Variants in NHS observed in about 807,000 individuals in gnomAD.
NHS encodes the protein NHS actin remodeling regulator.
In NHS, 5 loss-of-function variants were observed where a neutral mutation model predicts 72.5. The ratio of observed to expected loss-of-function variants is 0.07; its 90% CI spans 0.04 to 0.14. NHS has a LOEUF of 0.14. Among genes scored for constraint, NHS ranks in the 10% least tolerant of loss-of-function variants. The pLI is 1.00. For synonymous variants in NHS, 464 were observed against 547.7 expected, an observed-to-expected ratio of 0.85 and a Z score of 2.13; for missense variants, 1,072 against 1,355.7, an observed-to-expected ratio of 0.79 and a Z score of 3.29.
chrX:17,421,626 G>C (rs1329916722), intron 1 of NHS, among the ~76,000 whole-genome samples: 2 of 110,320 alleles, frequency 1.8e-5, no homozygotes, highest in Admixed American at 9.6e-5. Context: ...GCCCATGCTG[G>C]AGTGCAGTGG....
chrX:17,485,809 G>A (rs899117377), intron 1 of NHS, among the ~76,000 whole-genome samples: 11 of 111,811 alleles, frequency 9.8e-5, no homozygotes, highest in Admixed American at 2.9e-4. Flanking sequence ...ACATGGCAGC[G>A]TTTTGGATTC....
chrX:17,689,311 A>T (rs922658639), intron 2 of NHS, among the ~76,000 whole-genome samples: 2 of 112,204 alleles, frequency 1.8e-5, no homozygotes, highest in Non-Finnish European at 3.8e-5. Context: ...TTAGGGGAAG[A>T]CATTGTGACA....
At chrX:17,382,796 AT>A (rs2064384216) in intron 1 of NHS, among the ~76,000 whole-genome samples, 1 of 111,985 alleles carries the variant, frequency 8.9e-6, no homozygotes, top group African/African-American at 3.2e-5. Flanking sequence ...CCCTGTCTAT[AT>A]TCCATCTCTC....
chrX:17,719,497 T>G, intron 4 of NHS, 91 bp downstream of exon 4: 1 of 706,253 alleles, frequency 1.4e-6, no homozygotes. Flanking sequence ...ATGGAAAACT[T>G]TCTTGTTTCT....
chrX:17,697,281 A>G (rs1404776179), intron 3 of NHS, among the ~76,000 whole-genome samples: 1 of 110,915 alleles, frequency 9.0e-6, no homozygotes, highest in East Asian at 2.8e-4. Flanking sequence ...GTGTCCTTCA[A>G]CTCCTGCCTC....
chrX:17,711,684 T>A (rs188235520), intron 3 of NHS, among the ~76,000 whole-genome samples: 1 of 111,818 alleles, frequency 8.9e-6, no homozygotes, highest in East Asian at 2.8e-4. Context: ...GGGACAGTTG[T>A]CACACCCCAA....
chrX:17,492,328 A>G (rs765408321), intron 1 of NHS, among the ~76,000 whole-genome samples: 26 of 112,029 alleles, frequency 2.3e-4, no homozygotes, highest in Non-Finnish European at 4.9e-4. Context: ...ATTCTGGTAC[A>G]TTGTGTCTTT....
intron 1 of NHS, among the ~76,000 whole-genome samples, chrX:17,679,282 A>G (rs1289283893): frequency 7.2e-5 from 8 of 111,837 alleles, no homozygotes; most frequent in Non-Finnish European, 1.1e-4. Context: ...CTTCTATTGC[A>G]ATCCTGTGGA....
chrX:17,525,629 C>CTTTCT (rs1242743518), intron 1 of NHS, among the ~76,000 whole-genome samples: 1 of 71,407 alleles, frequency 1.4e-5, no homozygotes, highest in Non-Finnish European at 2.7e-5. Flanking sequence ...TTTCTTTTTT[C>CTTTCT]TTTCTTTTCT....
At chrX:17,543,368 A>G (rs754485198) in intron 1 of NHS, among the ~76,000 whole-genome samples, 2 of 112,380 alleles carry the variant, frequency 1.8e-5, no homozygotes, top group Non-Finnish European at 3.7e-5. Context: ...TGTCCTAAGC[A>G]CTGATAAGAT....
chrX:17,445,548 G>A (rs2064774601), intron 1 of NHS, among the ~76,000 whole-genome samples: 1 of 110,827 alleles, frequency 9.0e-6, no homozygotes, highest in Admixed American at 9.6e-5. Context: ...CATTGATCTT[G>A]GACTCTTGGC....
Position 17,733,869 on chromosome X carries a change from T to G in NHS, c.*1405T>G, listed in dbSNP as rs1167781013. 2.7e-5 allele frequency: 3 copies of G among 111,195 alleles called. No individual in the cohort carries two copies. The highest frequency in any genetic ancestry group is 5.7e-5 in the Non-Finnish European group (3 of 53,058). The allele number at this position is 111,195 out of a possible 1,213,427, so 9.2% of individuals were successfully genotyped here. ...GGAGAGGAAATGTCAGGGCATGTGC[T>G]CTGATAAAATAAAGGCAGGGAAACA... On this transcript the variant is annotated 3_prime_UTR_variant, in exon 9 of 9. Coordinates refer to ENST00000676302, the MANE Select transcript of NHS (RefSeq NM_001291867.2).
chrX:17,678,275 T>TGG (rs1250461475), intron 1 of NHS, among the ~76,000 whole-genome samples: 7 of 105,252 alleles, frequency 6.7e-5, no homozygotes, highest in African/African-American at 2.6e-4. Flanking sequence ...ACTGTGGGTG[T>TGG]GTGTGTGTGT....
chrX:17,478,413 T>C (rs1269473227), intron 1 of NHS, among the ~76,000 whole-genome samples: 1 of 112,220 alleles, frequency 8.9e-6, no homozygotes, highest in Non-Finnish European at 1.9e-5. Flanking sequence ...TATAAATGAA[T>C]GGGCTTGACC....
rs769142625 is a variant in NHS, at chrX:17,726,324, C to T, written c.2218C>T (p.Pro740Ser). The T allele has an allele frequency of 8.3e-6, 10 of 1,212,072 alleles. No homozygotes were observed. Among genetic ancestry groups the T allele is most frequent in the Non-Finnish European group, 1.1e-5 (10 of 895,580 alleles). The change falls in exon 7 of 9, where the codon CCT (proline) becomes TCT (serine). Residue 740 changes from proline to serine, a missense_variant. By Grantham distance (74) the Pro-to-Ser change is moderately conservative (BLOSUM62 -1). Transcript: ENST00000676302. ...TGCCTCCTGCCGCCAGGATTTTAGT[C>T]CTGAGCGTCCCAAGGCAGACAGCCT... ...HDASCRQDFSPERPKADSLGC... is the reference protein window; with the variant it reads ...HDASCRQDFSSERPKADSLGC...
At chrX:17,500,135 T>A (rs1451897632) in intron 1 of NHS, among the ~76,000 whole-genome samples, 1 of 112,259 alleles carries the variant, frequency 8.9e-6, no homozygotes, top group African/African-American at 3.2e-5. Context: ...ACCACTTTGA[T>A]GTTATGTTGA....
At chrX:17,438,139 G>T (rs991197291) in intron 1 of NHS, among the ~76,000 whole-genome samples, 44 of 112,199 alleles carry the variant, frequency 3.9e-4, no homozygotes, top group Non-Finnish European at 5.8e-4. Context: ...ATCATCTAGG[G>T]ATCTTATTTA....
At chrX:17,433,918 A>G (rs2064707390) in intron 1 of NHS, among the ~76,000 whole-genome samples, 1 of 112,265 alleles carries the variant, frequency 8.9e-6, no homozygotes, top group South Asian at 3.7e-4. Flanking sequence ...ACTTAACCCA[A>G]TAAGTGTTAT....
intron 1 of NHS, among the ~76,000 whole-genome samples, chrX:17,614,578 A>T (rs1031409881): frequency 8.9e-6 from 1 of 111,777 alleles, no homozygotes; most frequent in African/African-American, 3.3e-5. Flanking sequence ...AACTGATTAT[A>T]GGTGTATTGT....
Sources: gnomAD v4.1 joint callset for allele counts (sites outside exome capture counted in the v4.1 genomes callset) on GRCh38, gnomAD v4.1.1 for gene constraint, MANE v1.5 for transcripts, NCBI Gene and HGNC (gene_info 2026-07-23, HGNC 2026-07-21) for gene names.